CWH43: variants seen among roughly 807,000 people sequenced by gnomAD.
The protein encoded by CWH43 is PGAP2-interacting protein.
Under a neutral mutation model 85.7 loss-of-function variants are expected in CWH43, and 91 were observed. That is an observed-to-expected ratio of 1.06 (90% CI 0.90 to 1.26). The LOEUF is 1.26. CWH43 is among the 50% of genes most tolerant of loss of function. CWH43 has a pLI of 0.00. For synonymous variants in CWH43, 323 were observed against 293.6 expected (o/e 1.10, Z -1.02); for missense variants, 869 against 839.2 (o/e 1.04, Z -0.44).
chr4:48,992,059 T>C lies in CWH43; in HGVS notation c.480T>C (p.Ser160=). The change falls in exon 4 of 16, where the codon AGT becomes AGC. Residue 160 remains serine (S), a synonymous_variant. Transcript: ENST00000226432. This position sits in a 1 kb window ranked among gnomAD's most constrained non-coding sequence, Gnocchi z 4.3. ...QMSNKVILTL[S]AIATLDRIGT... is the part of the protein sequence containing the mutation. ...CCAACAAAGTGATACTGACATTAAGTGCCATAGCCACACTTGATCGTATTG... is the reference window on the plus strand; with the variant it reads ...CCAACAAAGTGATACTGACATTAAGCGCCATAGCCACACTTGATCGTATTG... 1 of 1,614,082 alleles carries C rather than the reference T, an allele frequency of 6.2e-7. No homozygotes were observed. The highest frequency in any genetic ancestry group is 8.5e-7 in the Non-Finnish European group (1 of 1,179,968).
In CWH43 at chr4:49,030,969, AC is replaced by A. The variant is rs1560504468; in HGVS notation, c.1508+11del. ...AGGTATCACACTTGGGGGTGAGTAT[AC>A]CTTGGGAGTTAATCCCGAAGATAGT... is the stretch of plus-strand genomic sequence containing the variant. On this transcript the variant is annotated intron_variant, in intron 11 of 15. Transcript: ENST00000226432. 2 of 1,567,696 alleles carry A rather than the reference AC, an allele frequency of 1.3e-6. No homozygotes were observed. The highest frequency in any genetic ancestry group is 1.7e-6 in the Non-Finnish European group (2 of 1,163,938).
chr4:49,030,765 T>C, intron 10 of CWH43, 60 bp from the exon 11 acceptor site: 1 of 1,456,854 alleles, frequency 6.9e-7, no homozygotes, highest in South Asian at 1.5e-5. Context: ...AAAGTGTTGC[T>C]AATTGTTTTT....
chr4:49,005,900 C>T (rs1472803535), intron 7 of CWH43, among the ~76,000 whole-genome samples: 1 of 152,156 alleles, frequency 6.6e-6, no homozygotes, highest in Non-Finnish European at 1.5e-5. Flanking sequence ...GCTTTTCTAC[C>T]CCACGAGCTA....
In CWH43 at chr4:48,991,476, T is replaced by C; in HGVS notation, c.258T>C (p.Ala86=). Residue 86 remains alanine, a synonymous_variant, in exon 3 of 16, where the codon GCT becomes GCC. Transcript: ENST00000226432. ...ITIGSIASFQ[A]PNAKLRLMVL... is the part of the protein sequence containing the mutation. ...TAGGCAGCATAGCCTCCTTCCAGGC[T>C]CCAAATGCCAAACTTCGACTGATGG... 1 of 1,614,120 alleles carries C rather than the reference T, an allele frequency of 6.2e-7. No individual in the cohort carries two copies. The highest frequency in any genetic ancestry group is 8.5e-7 in the Non-Finnish European group (1 of 1,179,992).
At chr4:48,988,337 G>GATTAAA in intron 1 of CWH43, 140 bp from the exon 2 acceptor site, 1 of 477,886 alleles carries the variant, frequency 2.1e-6, no homozygotes, top group Admixed American at 4.0e-5. Flanking sequence ...CCATGTCAGT[G>GATTAAA]GAGACAACTG....
rs140573829 is a variant in CWH43, at chr4:49,032,692, C to T, written c.1635C>T (p.Val545=). The T allele has an allele frequency of 1.1e-4, 170 of 1,614,054 alleles. No homozygotes were observed. Among genetic ancestry groups the T allele is most frequent in the African/African-American group, 7.1e-4 (53 of 75,036 alleles). ...VNISGKLVDF[V]VTHFGNHEDD... ...TTTCGGGCAAGCTGGTGGATTTTGTCGTGACACACTTTGGGAACCACGAGT... is the reference window on the plus strand; with the variant it reads ...TTTCGGGCAAGCTGGTGGATTTTGTTGTGACACACTTTGGGAACCACGAGT... Residue 545 remains valine (V), a synonymous_variant, in exon 12 of 16, where the codon GTC becomes GTT. Coordinates refer to ENST00000226432, the MANE Select transcript of CWH43 (RefSeq NM_025087.3).
At chr4:49,002,834 C>A (rs1361199375) in intron 6 of CWH43, among the ~76,000 whole-genome samples, 1 of 152,118 alleles carries the variant, frequency 6.6e-6, no homozygotes, top group Non-Finnish European at 1.5e-5. Context: ...AGCTATGGGG[C>A]ATTAAGATGC....
intron 5 of CWH43, among the ~76,000 whole-genome samples, chr4:48,997,701 T>A (rs1782855634): frequency 1.3e-5 from 2 of 152,166 alleles, no homozygotes; most frequent in African/African-American, 4.8e-5. Context: ...TCAAGCAGGT[T>A]ACTTACATAC....
At chr4:49,039,331 A>ATATATATATATATATATATATG (rs1553916952) in intron 13 of CWH43, among the ~76,000 whole-genome samples, 1 of 68,834 alleles carries the variant, frequency 1.5e-5, no homozygotes, top group Non-Finnish European at 3.1e-5. Flanking sequence ...ATATATATAT[A>ATATATATATATATATATATATG]TACTGATGTA....
chr4:49,046,308 C>CCATT (rs3038725), intron 14 of CWH43, among the ~76,000 whole-genome samples: 1,619 of 150,650 alleles, frequency 0.011, 8 homozygotes, highest in African/African-American at 0.015. Context: ...GAGGGACTAA[C>CCATT]CATTCATTCA....
rs532443928 is a variant in CWH43, at chr4:48,986,406, A to G, written c.-24A>G. 5.4e-5 allele frequency: 84 copies of G among 1,548,880 alleles called. No homozygotes were observed. The East Asian group carries it at 2.0e-3, about 37-fold the overall frequency. ...GGCCCGACCCGCACGGCTTTCCTGG[A>G]AAGCGCTGCCCCTCGCCGCGGCGAT... is the stretch of plus-strand genomic sequence containing the variant. On this transcript the variant is annotated 5_prime_UTR_variant, in exon 1 of 16. Transcript: ENST00000226432.
At chr4:49,024,223 T>C (rs1426133774) in intron 9 of CWH43, among the ~76,000 whole-genome samples, 1 of 152,190 alleles carries the variant, frequency 6.6e-6, no homozygotes, top group Non-Finnish European at 1.5e-5. Flanking sequence ...TTACCTTAAG[T>C]TTAGGTGAGT....
chr4:49,025,819 G>C (rs1783898684), intron 9 of CWH43, among the ~76,000 whole-genome samples: 1 of 152,150 alleles, frequency 6.6e-6, no homozygotes, highest in Middle Eastern at 3.2e-3. Flanking sequence ...TGCTGGTTTT[G>C]TTGGCCTCCA....
chr4:49,006,691 G>A (rs1469582658), intron 7 of CWH43, among the ~76,000 whole-genome samples: 1 of 152,168 alleles, frequency 6.6e-6, no homozygotes, highest in Non-Finnish European at 1.5e-5. Flanking sequence ...TTTATTGGCT[G>A]GCCTGTTGGC....
intron 5 of CWH43, among the ~76,000 whole-genome samples, chr4:48,995,984 G>A (rs1442834110): frequency 6.7e-6 from 1 of 149,380 alleles, no homozygotes; most frequent in Non-Finnish European, 1.5e-5. Flanking sequence ...AATACCTGGT[G>A]GCCCCCAATT....
In CWH43 at chr4:48,992,980, A is replaced by G. The variant is rs1437932015; in HGVS notation, c.511+890A>G. Among the ~76,000 whole-genome samples, 1 of 152,188 alleles carries G rather than the reference A, an allele frequency of 6.6e-6. No homozygotes were observed. Among genetic ancestry groups the G allele is most frequent in the African/African-American group, 2.4e-5 (1 of 41,448 alleles). Reference sequence around the variant, plus strand: ...CCCCTAACTTATGTTTTACATTCATATCTAGAGGCAGAGACTCGGGCAGCC... The same window carrying G: ...CCCCTAACTTATGTTTTACATTCATGTCTAGAGGCAGAGACTCGGGCAGCC... On this transcript the variant is annotated intron_variant, in intron 4 of 15. Coordinates refer to ENST00000226432, the MANE Select transcript of CWH43 (RefSeq NM_025087.3). The surrounding 1 kb of genome is among the most constrained non-coding windows in gnomAD (Gnocchi z 4.3).
chr4:48,986,371 T>A lies in CWH43; in HGVS notation c.-59T>A. The A allele has an allele frequency of 1.3e-6, 2 of 1,511,034 alleles. No homozygotes were observed. Among genetic ancestry groups the A allele is most frequent in the Non-Finnish European group, 1.8e-6 (2 of 1,116,646 alleles). 93.6% of individuals were successfully genotyped at this position (1,511,034 alleles called of 1,614,324 possible). On this transcript the variant is annotated 5_prime_UTR_variant, in exon 1 of 16. Coordinates refer to ENST00000226432, the MANE Select transcript of CWH43 (RefSeq NM_025087.3). The stretch of plus-strand genomic sequence containing the variant: ...CGGCGGGAACCTGGGGGCGCAGGGC[T>A]AGGGCAGCGGGCCCGACCCGCACGG...
chr4:49,025,677 A>G (rs1282607629), intron 9 of CWH43, among the ~76,000 whole-genome samples: 3 of 152,188 alleles, frequency 2.0e-5, no homozygotes, highest in South Asian at 4.1e-4. Flanking sequence ...ACTTGGGAGT[A>G]TCTGCAAAAA....
At chr4:49,061,433 A>C (rs1785154010) in intron 15 of CWH43, among the ~76,000 whole-genome samples, 1 of 152,248 alleles carries the variant, frequency 6.6e-6, no homozygotes, top group African/African-American at 2.4e-5. Context: ...GCAGCACATT[A>C]ACACATGTAG....
Sources: allele counts gnomAD v4.1 joint callset (sites outside exome capture counted in the v4.1 genomes callset), GRCh38; gene constraint gnomAD v4.1.1; non-coding constraint Gnocchi (gnomAD v3.1); transcripts MANE v1.5; gene names NCBI Gene and HGNC (gene_info 2026-07-23, HGNC 2026-07-21).